Variants in MAP6 observed in about 807,000 individuals in gnomAD.
The protein encoded by MAP6 is microtubule-associated protein 6.
MAP6 carries 26 observed loss-of-function variants against 42.4 expected under a neutral mutation model. That is an observed-to-expected ratio of 0.61 (90% CI 0.45 to 0.85). The LOEUF (loss-of-function observed/expected upper bound fraction) is 0.85, where lower values mean the gene tolerates loss of function less well. Ranked by LOEUF, MAP6 falls within the 40% of genes least tolerant of loss-of-function variation. The pLI is 0.00. For missense variants in MAP6, 966 were observed against 1,099.0 expected (o/e 0.88, Z 1.71); for synonymous variants, 418 against 443.8 (o/e 0.94, Z 0.73).
chr11:75,610,241 C>A (rs1173075456), intron 1 of MAP6, among the ~76,000 whole-genome samples: 1 of 152,202 alleles, frequency 6.6e-6, no homozygotes, highest in Non-Finnish European at 1.5e-5. Flanking sequence ...TTATAGGCAA[C>A]AGAAAATGGA....
intron 1 of MAP6, among the ~76,000 whole-genome samples, chr11:75,657,842 A>G (rs1403551679): frequency 1.3e-5 from 2 of 151,958 alleles, no homozygotes; most frequent in Admixed American, 6.6e-5. Context: ...TTTCTCTTTC[A>G]CTTATAAGGA....
At chr11:75,637,868 G>A (rs1252115511) in intron 1 of MAP6, among the ~76,000 whole-genome samples, 5 of 121,566 alleles carry the variant, frequency 4.1e-5, no homozygotes, top group Admixed American at 8.7e-5. Context: ...AGGAGGGAGG[G>A]AAGGAAGGAA....
At chr11:75,634,697 TG>T (rs2135641306) in intron 1 of MAP6, among the ~76,000 whole-genome samples, 1 of 152,332 alleles carries the variant, frequency 6.6e-6, no homozygotes, top group South Asian at 2.1e-4. Flanking sequence ...TTCGCTTGCT[TG>T]GAAACGGGCT....
intron 1 of MAP6, among the ~76,000 whole-genome samples, chr11:75,660,259 T>A (rs1943820585): frequency 6.6e-6 from 1 of 152,206 alleles, no homozygotes; most frequent in Non-Finnish European, 1.5e-5. Flanking sequence ...CCTATGACTT[T>A]CACAGGAAGT....
At chr11:75,609,981 T>C (rs1323313422) in intron 1 of MAP6, among the ~76,000 whole-genome samples, 1 of 152,216 alleles carries the variant, frequency 6.6e-6, no homozygotes, top group Non-Finnish European at 1.5e-5. Flanking sequence ...AGTGTATTAA[T>C]AGGCAATTGA....
chr11:75,623,984 T>C (rs1243820472), intron 1 of MAP6, among the ~76,000 whole-genome samples: 1 of 152,104 alleles, frequency 6.6e-6, no homozygotes, highest in Non-Finnish European at 1.5e-5. Context: ...AGCTCTGGGG[T>C]GCATCAGGGA....
intron 1 of MAP6, among the ~76,000 whole-genome samples, chr11:75,625,074 G>A (rs1042362735): frequency 1.3e-5 from 2 of 152,280 alleles, no homozygotes; most frequent in Middle Eastern, 3.4e-3. Flanking sequence ...CAAGGGCCTC[G>A]CCGAGGAATC....
At chr11:75,591,263 T>G (rs1388579886) in intron 3 of MAP6, among the ~76,000 whole-genome samples, 1 of 152,232 alleles carries the variant, frequency 6.6e-6, no homozygotes, top group Non-Finnish European at 1.5e-5. Flanking sequence ...TTAGGGTAAT[T>G]GAATTAAGCT....
intron 1 of MAP6, among the ~76,000 whole-genome samples, chr11:75,624,847 C>A (rs779420402): frequency 6.6e-6 from 1 of 152,234 alleles, no homozygotes; most frequent in Non-Finnish European, 1.5e-5. Context: ...ACTTTGCACA[C>A]AGCAGGTGCT....
At chr11:75,648,248 CT>C (rs1431427797) in intron 1 of MAP6, among the ~76,000 whole-genome samples, 8 of 152,342 alleles carry the variant, frequency 5.3e-5, no homozygotes, top group Admixed American at 5.2e-4. Flanking sequence ...AATCCCAACA[CT>C]TTGGGAGGCC....
intron 1 of MAP6, among the ~76,000 whole-genome samples, chr11:75,649,520 A>G (rs1249299611): frequency 6.6e-6 from 1 of 152,106 alleles, no homozygotes; most frequent in Admixed American, 6.6e-5. Context: ...AAAAGACTAG[A>G]AGAAAATATG....
intron 3 of MAP6, among the ~76,000 whole-genome samples, chr11:75,592,497 AC>A (rs1342881275): frequency 1.3e-5 from 2 of 151,718 alleles, no homozygotes; most frequent in Non-Finnish European, 2.9e-5. Context: ...CAAAACCCTC[AC>A]CCCATCCATC....
At chr11:75,645,078 T>A (rs997664446) in intron 1 of MAP6, among the ~76,000 whole-genome samples, 11 of 152,148 alleles carry the variant, frequency 7.2e-5, no homozygotes, top group African/African-American at 2.4e-4. Context: ...TGTTGCAGCA[T>A]CCAGTTCATC....
rs1942402388 is a variant in MAP6, at chr11:75,588,240, C to A, written c.1317-56G>T. On this transcript the variant is annotated intron_variant, in intron 3 of 3. Transcript: ENST00000304771. ...GAGTAGAGCTCAGGCAGGGACAGGGCAGAGTACAGATTGCCTAATAAGTCT... is the reference window on the plus strand; with the variant it reads ...GAGTAGAGCTCAGGCAGGGACAGGGAAGAGTACAGATTGCCTAATAAGTCT... The A allele has an allele frequency of 2.0e-6, 3 of 1,511,824 alleles. No homozygotes were observed. In the Admixed American group the frequency reaches 5.9e-5, roughly 30 times the overall value. The allele number at this position is 1,511,824 out of a possible 1,614,324, so 93.7% of individuals were successfully genotyped here.
At chr11:75,598,010 G>T (rs1327715692) in intron 3 of MAP6, among the ~76,000 whole-genome samples, 2 of 152,168 alleles carry the variant, frequency 1.3e-5, no homozygotes, top group Non-Finnish European at 2.9e-5. Context: ...GAGGACTTTT[G>T]CATGCCTCCC....
intron 1 of MAP6, among the ~76,000 whole-genome samples, chr11:75,623,199 A>T (rs900505256): frequency 5.3e-5 from 8 of 152,254 alleles, no homozygotes; most frequent in African/African-American, 1.9e-4. Flanking sequence ...ACTCTTAAAA[A>T]GCATGCTAAA....
intron 1 of MAP6, among the ~76,000 whole-genome samples, chr11:75,637,334 T>G (rs191334427): frequency 6.6e-6 from 1 of 152,336 alleles, no homozygotes; most frequent in East Asian, 1.9e-4. Flanking sequence ...TTACTGACTC[T>G]AAGTTGAAAA....
chr11:75,587,666 G>A lies in MAP6; in HGVS notation c.1835C>T (p.Ala612Val), dbSNP rs2135566768. 2 of 1,613,380 alleles carry A rather than the reference G, an allele frequency of 1.2e-6. No homozygotes were observed. The highest frequency in any genetic ancestry group is 1.7e-6 in the Non-Finnish European group (2 of 1,179,758). ...TATGGGACCTTCACCCTTGACAGGT[G>A]CTGGGACTATGGGACCTTGATCCTT... ...PVKDQGPIVP[A>V]PVKGEGPIVP... The change falls in exon 4 of 4, where the codon GCA becomes GTA. Residue 612 changes from alanine (A) to valine (V), a missense_variant. Ala to Val is a moderately conservative substitution (Grantham distance 64). Transcript: ENST00000304771.
rs1942831860 is a variant in MAP6, at chr11:75,608,860, G to T, written c.906-538C>A. ...GGATAATTCCCCCATTTGAATAGCA[G>T]AGGGCTTGCTTCTTGGAGGGCCAGA... is the stretch of plus-strand genomic sequence containing the variant. On this transcript the variant is annotated intron_variant, in intron 1 of 3. Transcript: ENST00000304771. Among the ~76,000 whole-genome samples, 4 of 152,182 alleles carry T rather than the reference G, an allele frequency of 2.6e-5. No individual in the cohort carries two copies. In the South Asian group the frequency reaches 8.3e-4, roughly 32 times the overall value.
Sources: allele counts gnomAD v4.1 joint callset (sites outside exome capture counted in the v4.1 genomes callset), GRCh38; gene constraint gnomAD v4.1.1; transcripts MANE v1.5; gene names NCBI Gene and HGNC (gene_info 2026-07-23, HGNC 2026-07-21).